The following OR4K13 variants were observed in gnomAD, a reference collection of about 807,000 sequenced individuals.
OR4K13 encodes olfactory receptor 4K13.
For synonymous variants in OR4K13, 160 were observed against 134.8 expected (o/e 1.19, Z -1.30); for missense variants, 403 against 366.0 (o/e 1.10, Z -0.82).
chr14:20,034,947 T>C lies in OR4K13; in HGVS notation c.-189A>G. 1.8e-6 allele frequency: 1 copy of C among 564,482 alleles called. No individual in the cohort carries two copies. Among genetic ancestry groups the C allele is most frequent in the East Asian group, 2.9e-5 (1 of 34,324 alleles). 35.0% of individuals were successfully genotyped at this position (564,482 alleles called of 1,614,324 possible). A position where few individuals can be genotyped will look rare whatever the true frequency, so the allele number is the denominator to read the frequency against. On this transcript the variant is annotated 5_prime_UTR_variant, in exon 2 of 2. Coordinates refer to ENST00000641904, the MANE Select transcript of OR4K13 (RefSeq NM_001004714.2). ...ATTTTACTAATGGCCCAGAGAAGTA[T>C]CCCAAATAGTCAGTAGAATTCAGAA...
chr14:20,034,657 G>C lies in OR4K13; in HGVS notation c.102C>G (p.Val34=). Residue 34 remains valine (V), a synonymous_variant, in exon 2 of 2, where the codon GTC becomes GTG. Transcript: ENST00000641904. ...GGTTTCCTAACACAATCCCCACGAA[G>C]ACCACAGAGAATCCCAAGAAGAATA... ...QILFFLGFSV[V]FVGIVLGNLL... 6.2e-7 allele frequency: 1 copy of C among 1,613,820 alleles called. No homozygotes were observed. The highest frequency in any genetic ancestry group is 8.5e-7 in the Non-Finnish European group (1 of 1,179,934).
chr14:20,034,046 G>T lies in OR4K13; in HGVS notation c.713C>A (p.Ser238Tyr). ...RAASRSSKAF[S>Y]TLSAHITVVT... Reference sequence around the variant, plus strand: ...AACTGTGATGTGAGCTGAGAGAGTGGAGAAAGCCTTAGAGGATCGACTAGC... The same window carrying T: ...AACTGTGATGTGAGCTGAGAGAGTGTAGAAAGCCTTAGAGGATCGACTAGC... The change falls in exon 2 of 2, where the codon TCC becomes TAC. Residue 238 changes from serine to tyrosine, a missense_variant. Physicochemically the swap from Ser to Tyr is moderately radical, Grantham distance 144 (BLOSUM62 -2). Transcript: ENST00000641904. The T allele has an allele frequency of 6.2e-7, 1 of 1,614,096 alleles. No individual in the cohort carries two copies. The highest frequency in any genetic ancestry group is 1.1e-5 in the South Asian group (1 of 91,072).
rs936176120 is a variant in OR4K13 at position 20,030,215 on chromosome 14, A to G, written c.*3629T>C. 5 of 152,110 alleles carry G rather than the reference A, an allele frequency of 3.3e-5. No individual in the cohort carries two copies. Among genetic ancestry groups the G allele is most frequent in the Admixed American group, 2.0e-4 (3 of 15,268 alleles). 9.4% of individuals were successfully genotyped at this position (152,110 alleles called of 1,614,324 possible). A position where few individuals can be genotyped will look rare whatever the true frequency, so the allele number is the denominator to read the frequency against. On this transcript the variant is annotated 3_prime_UTR_variant, in exon 2 of 2. Transcript: ENST00000641904. ...GTTCTATCTCTGAGATTTGATAATTATATAACTATGGGCATTTGTCAACAA... is the reference window on the plus strand; with the variant it reads ...GTTCTATCTCTGAGATTTGATAATTGTATAACTATGGGCATTTGTCAACAA...
At position 20,034,164 on chromosome 14, in the gene OR4K13, C is replaced by T; in HGVS notation, c.595G>A (p.Val199Ile). The T allele has an allele frequency of 1.9e-6, 3 of 1,614,004 alleles. No individual in the cohort carries two copies. Among genetic ancestry groups the T allele is most frequent in the Non-Finnish European group, 2.5e-6 (3 of 1,179,996 alleles). ...CKDTYILQLL[V>I]IADSGLLSLV... The stretch of plus-strand genomic sequence containing the variant: ...GACAGGAGCCCACTGTCAGCAATGA[C>T]CAGGAGCTGTAGGATGTAGGTGTCC... The change falls in exon 2 of 2, where the codon GTC becomes ATC. Residue 199 changes from valine (V) to isoleucine (I), a missense_variant. Coordinates refer to ENST00000641904, the MANE Select transcript of OR4K13 (RefSeq NM_001004714.2).
Position 20,033,331 on chromosome 14 carries a change from G to A in OR4K13, c.*513C>T, listed in dbSNP as rs137916758. ...CTGTAAGGCACTTGGATAAATAACCGTGATGAGATGTCATCTGTGTGCTTT... is the reference window on the plus strand; with the variant it reads ...CTGTAAGGCACTTGGATAAATAACCATGATGAGATGTCATCTGTGTGCTTT... On this transcript the variant is annotated 3_prime_UTR_variant, in exon 2 of 2. Transcript: ENST00000641904. 311 of 153,336 alleles carry A rather than the reference G, an allele frequency of 2.0e-3. No individual in the cohort carries two copies. Among genetic ancestry groups the A allele is most frequent in the South Asian group, 4.3e-3 (21 of 4,870 alleles). 9.5% of individuals were successfully genotyped at this position (153,336 alleles called of 1,614,324 possible).
rs750697412 is a variant in OR4K13 at position 20,034,120 on chromosome 14, G to A, written c.639C>T (p.Leu213=). Reference sequence around the variant, plus strand: ...TTATGACTCCATAGGAGACAAGCAAGAGGAGGAAGCAGACCAGTGACAGGA... The same window carrying A: ...TTATGACTCCATAGGAGACAAGCAAAAGGAGGAAGCAGACCAGTGACAGGA... The part of the protein sequence containing the change: ...SGLLSLVCFL[L]LLVSYGVIIF... The change falls in exon 2 of 2, where the codon CTC becomes CTT. Residue 213 remains leucine, a synonymous_variant. Transcript: ENST00000641904. The A allele has an allele frequency of 2.5e-6, 4 of 1,614,110 alleles. No homozygotes were observed. Among genetic ancestry groups the A allele is most frequent in the South Asian group, 2.2e-5 (2 of 91,082 alleles).
In OR4K13 at chr14:20,031,957, A is replaced by G. The variant is rs1212393608; in HGVS notation, c.*1887T>C. On this transcript the variant is annotated 3_prime_UTR_variant, in exon 2 of 2. Transcript: ENST00000641904. Reference sequence around the variant, plus strand: ...TCCCCGTTTGGGGGCTAAGTAAAGGAGTTTAAGACGGAAAAGATATGGGAA... The same window carrying G: ...TCCCCGTTTGGGGGCTAAGTAAAGGGGTTTAAGACGGAAAAGATATGGGAA... 6.6e-6 allele frequency: 1 copy of G among 152,228 alleles called. No homozygotes were observed. The highest frequency in any genetic ancestry group is 1.5e-5 in the Non-Finnish European group (1 of 68,074). The allele number at this position is 152,228 out of a possible 1,614,324, so 9.4% of individuals were successfully genotyped here.
rs74977627 is a variant in OR4K13, at chr14:20,035,065, G to A, written c.-223-84C>T. The stretch of plus-strand genomic sequence containing the variant: ...AATTAGAATCAGAAGACCTCTACAG[G>A]ACACCTGGGTAAGCTGCTCACTGGG... On this transcript the variant is annotated intron_variant, in intron 1 of 1. Coordinates refer to ENST00000641904, the MANE Select transcript of OR4K13 (RefSeq NM_001004714.2). 7.8e-3 allele frequency: 1,999 copies of A among 256,358 alleles called. 43 individuals carry two copies. Among genetic ancestry groups the A allele is most frequent in the African/African-American group, 0.043 (1,876 of 44,016 alleles). 15.9% of individuals were successfully genotyped at this position (256,358 alleles called of 1,614,324 possible).
At position 20,035,313 on chromosome 14, in the gene OR4K13, C is replaced by A. The variant is rs142192248; in HGVS notation, c.-223-332G>T. Reference sequence around the variant, plus strand: ...CTCAAGAACCATGTTTTGAAATGGACTCTGGTAAAGAAATATGAATTAGGT... The same window carrying A: ...CTCAAGAACCATGTTTTGAAATGGAATCTGGTAAAGAAATATGAATTAGGT... On this transcript the variant is annotated intron_variant, in intron 1 of 1. Coordinates refer to ENST00000641904, the MANE Select transcript of OR4K13 (RefSeq NM_001004714.2). Among the ~76,000 whole-genome samples, 753 of 151,966 alleles carry A rather than the reference C, an allele frequency of 5.0e-3. 9 individuals carry two copies. The highest frequency in any genetic ancestry group is 0.017 in the African/African-American group (710 of 41,474).
chr14:20,034,557 A>T lies in OR4K13; in HGVS notation c.202T>A (p.Cys68Ser), dbSNP rs761097707. The change falls in exon 2 of 2, where the codon TGC (cysteine) becomes AGC (serine). Residue 68 changes from cysteine to serine, a missense_variant. Physicochemically the swap from Cys to Ser is moderately radical, Grantham distance 112. Coordinates refer to ENST00000641904, the MANE Select transcript of OR4K13 (RefSeq NM_001004714.2). ...AAAGAAGCCAGGATCATATCAATGC[A>T]GGAGAGGTTGCTAAGCAGAAAATAC... is the stretch of plus-strand genomic sequence containing the variant. ...PMYFLLSNLS[C>S]IDMILASFAT... 1.7e-5 allele frequency: 28 copies of T among 1,614,024 alleles called. No homozygotes were observed. The highest frequency in any genetic ancestry group is 4.5e-5 in the East Asian group (2 of 44,866).
At position 20,034,565 on chromosome 14, in the gene OR4K13, T is replaced by C. The variant is rs762647543; in HGVS notation, c.194A>G (p.Asn65Ser). ...LHTPMYFLLS[N>S]LSCIDMILAS... The stretch of plus-strand genomic sequence containing the variant: ...CAGGATCATATCAATGCAGGAGAGG[T>C]TGCTAAGCAGAAAATACATTGGTGT... The change falls in exon 2 of 2, where the codon AAC becomes AGC. Residue 65 changes from asparagine to serine, a missense_variant. Physicochemically the swap from Asn to Ser is conservative, Grantham distance 46 (BLOSUM62 1). Transcript: ENST00000641904. 3.7e-6 allele frequency: 6 copies of C among 1,612,800 alleles called. No homozygotes were observed. The African/African-American group carries it at 4.0e-5, about 11-fold the overall frequency.
rs1397826833 is a variant in OR4K13 at position 20,031,831 on chromosome 14, G to A, written c.*2013C>T. 1.0e-5 allele frequency: 1 copy of A among 95,678 alleles called. No homozygotes were observed. The highest frequency in any genetic ancestry group is 2.0e-5 in the Non-Finnish European group (1 of 50,012). 5.9% of individuals were successfully genotyped at this position (95,678 alleles called of 1,614,324 possible). ...CCACCCATGCCCACCTCCCCGCTCA[G>A]AGGCTGAAAACAAGTGCAGCAAGGT... is the stretch of plus-strand genomic sequence containing the variant. On this transcript the variant is annotated 3_prime_UTR_variant, in exon 2 of 2. Coordinates refer to ENST00000641904, the MANE Select transcript of OR4K13 (RefSeq NM_001004714.2).
In OR4K13 at chr14:20,034,205, A is replaced by G; in HGVS notation, c.554T>C (p.Ile185Thr). Reference sequence around the variant, plus strand: ...GTAGGTGTCCTTGCAGGCAAGTTTAATCACAAGGGGAAGGTCACAGAAAAA... The same window carrying G: ...GTAGGTGTCCTTGCAGGCAAGTTTAGTCACAAGGGGAAGGTCACAGAAAAA... ...DSFFCDLPLV[I>T]KLACKDTYIL... Residue 185 changes from isoleucine to threonine, a missense_variant, in exon 2 of 2, where the codon ATT (isoleucine) becomes ACT (threonine). By Grantham distance (89) the Ile-to-Thr change is moderately conservative. Coordinates refer to ENST00000641904, the MANE Select transcript of OR4K13 (RefSeq NM_001004714.2). 1 of 1,614,196 alleles carries G rather than the reference A, an allele frequency of 6.2e-7. No homozygotes were observed. The highest frequency in any genetic ancestry group is 8.5e-7 in the Non-Finnish European group (1 of 1,180,042).
Position 20,029,823 on chromosome 14 carries a change from C to G in OR4K13, c.*4021G>C, listed in dbSNP as rs1443088028. 1 of 152,016 alleles carries G rather than the reference C, an allele frequency of 6.6e-6. No homozygotes were observed. Among genetic ancestry groups the G allele is most frequent in the African/African-American group, 2.4e-5 (1 of 41,364 alleles). 9.4% of individuals were successfully genotyped at this position (152,016 alleles called of 1,614,324 possible). ...CCTGCAATCCCAGCTACTTGGGAGGCTGAGGCAGGAGAATTGCTTGAACTG... is the reference window on the plus strand; with the variant it reads ...CCTGCAATCCCAGCTACTTGGGAGGGTGAGGCAGGAGAATTGCTTGAACTG... On this transcript the variant is annotated 3_prime_UTR_variant, in exon 2 of 2. Coordinates refer to ENST00000641904, the MANE Select transcript of OR4K13 (RefSeq NM_001004714.2).
rs1459679948 is a variant in OR4K13, at chr14:20,031,125, G to A, written c.*2719C>T. 1.3e-5 allele frequency: 2 copies of A among 152,250 alleles called. No homozygotes were observed. 9.4% of individuals were successfully genotyped at this position (152,250 alleles called of 1,614,324 possible). A position where few individuals can be genotyped will look rare whatever the true frequency, so the allele number is the denominator to read the frequency against. On this transcript the variant is annotated 3_prime_UTR_variant, in exon 2 of 2. Coordinates refer to ENST00000641904, the MANE Select transcript of OR4K13 (RefSeq NM_001004714.2). ...ACAAATTTGCCCATGGAAAACAGGT[G>A]CTACCCCTTAACTGGGGTTTAGAAC...
At chr14:20,035,296 C>T (rs1018291834) in intron 1 of OR4K13, among the ~76,000 whole-genome samples, 6 of 151,906 alleles carry the variant, frequency 3.9e-5, no homozygotes, top group African/African-American at 1.2e-4. Flanking sequence ...TTCTCAAGAA[C>T]CATGTTTTGA....
At position 20,030,319 on chromosome 14, in the gene OR4K13, C is replaced by T. The variant is rs1877385609; in HGVS notation, c.*3525G>A. On this transcript the variant is annotated 3_prime_UTR_variant, in exon 2 of 2. Coordinates refer to ENST00000641904, the MANE Select transcript of OR4K13 (RefSeq NM_001004714.2). ...ATCTCCAGTACCTCATAAATATGTG[C>T]AACTATTATATATTCATAATAATTA... is the stretch of plus-strand genomic sequence containing the variant. 7.0e-6 allele frequency: 1 copy of T among 142,064 alleles called. No individual in the cohort carries two copies. Among genetic ancestry groups the T allele is most frequent in the Non-Finnish European group, 1.6e-5 (1 of 62,942 alleles). 8.8% of individuals were successfully genotyped at this position (142,064 alleles called of 1,614,324 possible).
In OR4K13 at chr14:20,034,390, A is replaced by T. The variant is rs1351260493; in HGVS notation, c.369T>A (p.Tyr123Ter). The T allele has an allele frequency of 2.5e-6, 4 of 1,613,974 alleles. No homozygotes were observed. The African/African-American group carries it at 4.0e-5, about 16-fold the overall frequency. The change falls in exon 2 of 2, where the codon TAT becomes TAA. Residue 123 changes from tyrosine to a stop codon, truncating the protein, a stop_gained. Transcript: ENST00000641904. LOFTEE classifies it low-confidence loss of function (END_TRUNC). Reference sequence around the variant, plus strand: ...AATGGAGGGGTTTGCATATGGCAACATACCTGTCTATTGCCATGGCTACAA... The same window carrying T: ...AATGGAGGGGTTTGCATATGGCAACTTACCTGTCTATTGCCATGGCTACAA... The part of the protein sequence containing the change: ...MLLVAMAIDR[Y>*]VAICKPLHYM...
At position 20,034,332 on chromosome 14, in the gene OR4K13, C is replaced by T; in HGVS notation, c.427G>A (p.Gly143Arg). 1 of 1,613,978 alleles carries T rather than the reference C, an allele frequency of 6.2e-7. No homozygotes were observed. Among genetic ancestry groups the T allele is most frequent in the East Asian group, 2.2e-5 (1 of 44,878 alleles). ...MTIMSPRVLTGLLLSSYAVGF... is the reference protein window; with the variant it reads ...MTIMSPRVLTRLLLSSYAVGF... Reference sequence around the variant, plus strand: ...ACTGCATAGGAGGATAACAGTAGCCCAGTGAGCACCCGTGGGCTCATGATG... The same window carrying T: ...ACTGCATAGGAGGATAACAGTAGCCTAGTGAGCACCCGTGGGCTCATGATG... The change falls in exon 2 of 2, where the codon GGG becomes AGG. Residue 143 changes from glycine to arginine, a missense_variant. Coordinates refer to ENST00000641904, the MANE Select transcript of OR4K13 (RefSeq NM_001004714.2).
Sources: allele counts gnomAD v4.1 joint callset (sites outside exome capture counted in the v4.1 genomes callset), GRCh38; gene constraint gnomAD v4.1.1; transcripts MANE v1.5; gene names NCBI Gene and HGNC (gene_info 2026-07-23, HGNC 2026-07-21).